Variants in AQP9 observed in about 807,000 individuals in gnomAD.
AQP9 encodes aquaporin-9.
In AQP9, 19 loss-of-function variants were observed where a neutral mutation model predicts 23.8. The observed-to-expected ratio is 0.80, with a 90% CI of 0.56 to 1.17. AQP9 has a LOEUF of 1.17. Ranked by LOEUF, AQP9 falls within the 50% of genes most tolerant of loss-of-function variation. AQP9 has a pLI of 0.00. For missense variants in AQP9, 413 were observed against 362.0 expected (o/e 1.14, Z -1.14); for synonymous variants, 153 against 131.5 (o/e 1.16, Z -1.12).
chr15:58,171,827 T>G (rs538261047), intron 2 of AQP9, among the ~76,000 whole-genome samples: 3 of 149,390 alleles, frequency 2.0e-5, no homozygotes, highest in African/African-American at 7.3e-5. Context: ...CTATTGGTTC[T>G]GTGCAGGATC....
In AQP9 at chr15:58,138,446, C is replaced by T; in HGVS notation, c.-120C>T. On this transcript the variant is annotated 5_prime_UTR_variant, in exon 1 of 6. Transcript: ENST00000219919. ...GCATTTGTACAGTCAGAGACTCTTACCAGACATCTCCAGGAATCTGTGAGC... is the reference window on the plus strand; with the variant it reads ...GCATTTGTACAGTCAGAGACTCTTATCAGACATCTCCAGGAATCTGTGAGC... 2.8e-6 allele frequency: 2 copies of T among 717,454 alleles called. No individual in the cohort carries two copies. The highest frequency in any genetic ancestry group is 4.7e-6 in the Non-Finnish European group (2 of 424,996). The allele number at this position is 717,454 out of a possible 1,614,324, so 44.4% of individuals were successfully genotyped here. A position where few individuals can be genotyped will look rare whatever the true frequency, so the allele number is the denominator to read the frequency against.
At chr15:58,145,332 G>C (rs1381221640) in intron 1 of AQP9, among the ~76,000 whole-genome samples, 1 of 151,546 alleles carries the variant, frequency 6.6e-6, no homozygotes, top group Admixed American at 6.6e-5. Context: ...GTGAAACCTG[G>C]TCTCTACTAA....
intron 5 of AQP9, among the ~76,000 whole-genome samples, chr15:58,181,095 C>G (rs1305917734): frequency 6.6e-6 from 1 of 152,186 alleles, no homozygotes; most frequent in Non-Finnish European, 1.5e-5. Context: ...GTCAAAGAGA[C>G]ATGGTGGTTC....
chr15:58,153,006 A>G (rs1898179212), intron 1 of AQP9: 1 of 152,086 alleles, frequency 6.6e-6, no homozygotes, highest in Non-Finnish European at 1.5e-5. Flanking sequence ...ACCACCAATA[A>G]TCTCTTCCAA....
intron 1 of AQP9, among the ~76,000 whole-genome samples, chr15:58,158,531 T>G (rs1429723102): frequency 6.6e-6 from 1 of 152,206 alleles, no homozygotes; most frequent in Admixed American, 6.5e-5. Flanking sequence ...GCATGCAACC[T>G]GGCACAAAGA....
Position 58,173,167 on chromosome 15 carries a change from C to G in AQP9, c.338C>G (p.Ala113Gly). 3 of 1,614,082 alleles carry G rather than the reference C, an allele frequency of 1.9e-6. No individual in the cohort carries two copies. Among genetic ancestry groups the G allele is most frequent in the Non-Finnish European group, 2.5e-6 (3 of 1,180,006 alleles). ...PFYVGAQFLG[A>G]FVGAATVFGI... ...TATGTGGGAGCCCAGTTCTTGGGAGCCTTTGTGGGGGCTGCAACCGTCTTT... is the reference window on the plus strand; with the variant it reads ...TATGTGGGAGCCCAGTTCTTGGGAGGCTTTGTGGGGGCTGCAACCGTCTTT... Residue 113 changes from alanine (A) to glycine (G), a missense_variant, in exon 3 of 6, where the codon GCC (alanine) becomes GGC (glycine). Transcript: ENST00000219919.
At chr15:58,175,091 G>A in intron 4 of AQP9, 55 bp downstream of exon 4, 1 of 1,441,390 alleles carries the variant, frequency 6.9e-7, no homozygotes, top group Admixed American at 1.7e-5. Flanking sequence ...GCTCTCATAA[G>A]GGGAATGCAT....
chr15:58,151,623 CACTT>C (rs1898151681), intron 1 of AQP9: 1 of 152,030 alleles, frequency 6.6e-6, no homozygotes, highest in African/African-American at 2.4e-5. Context: ...CTACTTATCA[CACTT>C]ACCCATACTC....
intron 2 of AQP9, among the ~76,000 whole-genome samples, chr15:58,169,548 G>T (rs1237983561): frequency 6.6e-6 from 1 of 152,150 alleles, no homozygotes; most frequent in African/African-American, 2.4e-5. Context: ...TAACATACTG[G>T]TTTGTGGGCA....
At chr15:58,177,539 C>A (rs1898786156) in intron 4 of AQP9, among the ~76,000 whole-genome samples, 1 of 152,276 alleles carries the variant, frequency 6.6e-6, no homozygotes, top group South Asian at 2.1e-4. Flanking sequence ...TTTTGGAAAG[C>A]AGATGAAATG....
chr15:58,176,424 G>C (rs977772050), intron 4 of AQP9, among the ~76,000 whole-genome samples: 1 of 151,936 alleles, frequency 6.6e-6, no homozygotes, highest in East Asian at 1.9e-4. Context: ...AGGCTGAGGT[G>C]GGAGGATAGC....
At position 58,176,287 on chromosome 15, in the gene AQP9, G is replaced by A. The variant is rs1484231114; in HGVS notation, c.495+1251G>A. 2.0e-5 allele frequency among the ~76,000 whole-genome samples: 3 copies of A among 152,132 alleles called. 1 individual carries two copies. Among genetic ancestry groups the A allele is most frequent in the Admixed American group, 6.5e-5 (1 of 15,276 alleles). ...ACTCCCTGCATTTTGGGAGGCCAAG[G>A]TGGACAGGTCACTTGAGCCCAGGAG... On this transcript the variant is annotated intron_variant, in intron 4 of 5. Coordinates refer to ENST00000219919, the MANE Select transcript of AQP9 (RefSeq NM_020980.5).
chr15:58,146,520 T>A (rs1317857764), intron 1 of AQP9, among the ~76,000 whole-genome samples: 1 of 152,214 alleles, frequency 6.6e-6, no homozygotes, highest in Non-Finnish European at 1.5e-5. Flanking sequence ...CAAAGCCTAA[T>A]ATATTTATAA....
Position 58,167,459 on chromosome 15 carries a change from G to A in AQP9, c.238+660G>A, listed in dbSNP as rs139303330. 7.6e-3 allele frequency among the ~76,000 whole-genome samples: 1,154 copies of A among 152,340 alleles called. 7 individuals are homozygous for A. Among genetic ancestry groups the A allele is most frequent in the Middle Eastern group, 0.027 (8 of 294 alleles). Reference sequence around the variant, plus strand: ...AGAGCATTGAGTCAAGACTTGGTGAGAAGAGAAGAAAGGGAACTGAGAAAC... The same window carrying A: ...AGAGCATTGAGTCAAGACTTGGTGAAAAGAGAAGAAAGGGAACTGAGAAAC... On this transcript the variant is annotated intron_variant, in intron 2 of 5. Coordinates refer to ENST00000219919, the MANE Select transcript of AQP9 (RefSeq NM_020980.5).
chr15:58,172,926 C>A, intron 2 of AQP9, 142 bp from the exon 3 acceptor site: 1 of 965,852 alleles, frequency 1.0e-6, no homozygotes, highest in Non-Finnish European at 1.6e-6. Context: ...CTCTCTCTTT[C>A]ACGTGCATAC....
chr15:58,150,208 T>C (rs1202768873), intron 1 of AQP9: 1 of 152,638 alleles, frequency 6.6e-6, no homozygotes, highest in African/African-American at 2.4e-5. Context: ...ACTGTGGCCT[T>C]ACCCCATTCT....
intron 1 of AQP9, 115 bp downstream of exon 1, chr15:58,138,791 A>T: frequency 5.8e-6 from 5 of 866,498 alleles, no homozygotes; most frequent in Non-Finnish European, 9.0e-6. Flanking sequence ...GATCAGATTC[A>T]TCTTTTCCAG....
At chr15:58,166,854 G>T in intron 2 of AQP9, 55 bp downstream of exon 2, 1 of 1,594,992 alleles carries the variant, frequency 6.3e-7, no homozygotes, top group Non-Finnish European at 8.5e-7. Context: ...CAATGTGCCC[G>T]CACAGTGCTG....
At chr15:58,182,888 T>C (rs1217151934) in intron 5 of AQP9, among the ~76,000 whole-genome samples, 2 of 152,190 alleles carry the variant, frequency 1.3e-5, no homozygotes, top group Non-Finnish European at 2.9e-5. Context: ...TTTGATTTGC[T>C]CAAAGACCTT....
Sources: gnomAD v4.1 joint callset for allele counts (sites outside exome capture counted in the v4.1 genomes callset) on GRCh38, gnomAD v4.1.1 for gene constraint, MANE v1.5 for transcripts, NCBI Gene and HGNC (gene_info 2026-07-23, HGNC 2026-07-21) for gene names.